The following COL28A1 variants were observed in gnomAD, a reference collection of about 807,000 sequenced individuals.
The protein encoded by COL28A1 is collagen type XXVIII alpha 1 chain, also known as collagen alpha-1(XXVIII) chain.
Under a neutral mutation model 150.2 loss-of-function variants are expected in COL28A1, and 161 were observed. The ratio of observed to expected loss-of-function variants is 1.07; its 90% CI spans 0.94 to 1.22. COL28A1 has a LOEUF of 1.22. Ranked by LOEUF, COL28A1 falls within the 50% of genes most tolerant of loss-of-function variation. COL28A1 has a pLI of 0.00. For synonymous variants in COL28A1, 552 were observed against 469.7 expected (o/e 1.18, Z -2.26); for missense variants, 1,617 against 1,388.3 (o/e 1.16, Z -2.62).
intron 15 of COL28A1, among the ~76,000 whole-genome samples, chr7:7,459,504 C>A (rs1787434573): frequency 6.6e-6 from 1 of 152,160 alleles, no homozygotes; most frequent in African/African-American, 2.4e-5. Flanking sequence ...ATATAATATA[C>A]AATATAATTA....
At chr7:7,435,481 G>A (rs1191036937) in intron 23 of COL28A1, among the ~76,000 whole-genome samples, 1 of 152,120 alleles carries the variant, frequency 6.6e-6, no homozygotes. Context: ...AAAGTCATGC[G>A]TTCCAGGAAC....
rs766032169 is a variant in COL28A1, at chr7:7,436,465, T to C, written c.1792-2A>G. On this transcript the variant is annotated splice_acceptor_variant, in intron 22 of 34. Coordinates refer to ENST00000399429, the MANE Select transcript of COL28A1 (RefSeq NM_001037763.3). LOFTEE classifies it high-confidence loss of function. ...TATCCCAGGTCCTCCTCTATCTCCC[T>C]GTACATTTCAAATAACATTTCACAG... 2 of 1,305,082 alleles carry C rather than the reference T, an allele frequency of 1.5e-6. No individual in the cohort carries two copies. Among genetic ancestry groups the C allele is most frequent in the Admixed American group, 1.7e-5 (1 of 59,604 alleles). 80.8% of individuals were successfully genotyped at this position (1,305,082 alleles called of 1,614,324 possible).
At chr7:7,513,783 G>C (rs1781276745) in intron 8 of COL28A1, among the ~76,000 whole-genome samples, 1 of 152,204 alleles carries the variant, frequency 6.6e-6, no homozygotes. Flanking sequence ...CTGAGGAACA[G>C]CATTTGTTTT....
intron 33 of COL28A1, among the ~76,000 whole-genome samples, chr7:7,369,053 A>G (rs1781084972): frequency 6.6e-6 from 1 of 152,228 alleles, no homozygotes; most frequent in Non-Finnish European, 1.5e-5. Context: ...GTATTAATAT[A>G]GCAAAAAATG....
chr7:7,429,210 C>T (rs1295551875), intron 25 of COL28A1, among the ~76,000 whole-genome samples: 3 of 152,126 alleles, frequency 2.0e-5, no homozygotes, highest in African/African-American at 7.2e-5. Flanking sequence ...GGCTCTACTA[C>T]CACACACACA....
intron 27 of COL28A1, among the ~76,000 whole-genome samples, chr7:7,388,888 G>A (rs1304764675): frequency 3.3e-5 from 5 of 152,054 alleles, no homozygotes; most frequent in Non-Finnish European, 7.4e-5. Context: ...TGTAGATTCT[G>A]GATATTAGCC....
At chr7:7,529,214 G>C (rs775099965) in intron 3 of COL28A1, among the ~76,000 whole-genome samples, 6 of 151,072 alleles carry the variant, frequency 4.0e-5, no homozygotes, top group Non-Finnish European at 8.8e-5. Flanking sequence ...GCTTGAACCC[G>C]GGAGGCAGAG....
rs534315505 is a variant in COL28A1, at chr7:7,419,910, C to G, written c.2042G>C (p.Arg681Pro). 3 of 1,601,880 alleles carry G rather than the reference C, an allele frequency of 1.9e-6. No homozygotes were observed. Among genetic ancestry groups the G allele is most frequent in the Non-Finnish European group, 2.6e-6 (3 of 1,174,588 alleles). ...VRGPPGPSGP[R>P]GVGTQGPKGD... ...CTTTGGCCCTTGGGTTCCTACGCCC[C>G]GAGGCCCAGAAGGACCTGGAGGGCC... The change falls in exon 26 of 35, where the codon CGG becomes CCG. Residue 681 changes from arginine (R) to proline (P), a missense_variant. Transcript: ENST00000399429.
chr7:7,487,167 T>C (rs1216433879), intron 13 of COL28A1, among the ~76,000 whole-genome samples: 1 of 151,944 alleles, frequency 6.6e-6, no homozygotes, highest in Non-Finnish European at 1.5e-5. Context: ...AAAAAAACAT[T>C]TTAAGAACGA....
At chr7:7,431,323 C>G (rs1416253906) in intron 25 of COL28A1, 1 of 314,320 alleles carries the variant, frequency 3.2e-6, no homozygotes, top group Non-Finnish European at 6.4e-6. Context: ...TAGGAGGGAA[C>G]AAAGCAAGAA....
Position 7,360,434 on chromosome 7 carries a change from G to A in COL28A1, c.3161C>T (p.Thr1054Ile). ...LPATTSSEAT[T>I]TPRPLLSTPV... ...GGTGCTGAGCAGTGGCCTGGGGGTGGTGGTGGCCTCAGATGAGGTAGTGGC... is the reference window on the plus strand; with the variant it reads ...GGTGCTGAGCAGTGGCCTGGGGGTGATGGTGGCCTCAGATGAGGTAGTGGC... Residue 1054 changes from threonine to isoleucine, a missense_variant, in exon 34 of 35, where the codon ACC (threonine) becomes ATC (isoleucine). Transcript: ENST00000399429. The A allele has an allele frequency of 1.2e-6, 2 of 1,608,414 alleles. No individual in the cohort carries two copies. The highest frequency in any genetic ancestry group is 1.7e-6 in the Non-Finnish European group (2 of 1,178,362).
intron 30 of COL28A1, among the ~76,000 whole-genome samples, chr7:7,377,774 G>C (rs117951669): frequency 9.9e-4 from 148 of 148,818 alleles, no homozygotes; most frequent in Non-Finnish European, 1.7e-3. Context: ...ATAGCAGCCA[G>C]TGGAGGGGTT....
At position 7,477,765 on chromosome 7, in the gene COL28A1, G is replaced by A. The variant is rs569241984; in HGVS notation, c.1165-585C>T. ...AACAGCAAAAGAACAAAGCTTCCAC[G>A]GTATGGAAACGGACCCCAGCAGGTT... On this transcript the variant is annotated intron_variant, in intron 13 of 34. Transcript: ENST00000399429. Among the ~76,000 whole-genome samples the A allele has an allele frequency of 1.5e-4, 23 of 152,236 alleles. No individual in the cohort carries two copies. In the South Asian group the frequency reaches 1.9e-3, roughly 12 times the overall value.
rs367945767 is a variant in COL28A1 at position 7,444,483 on chromosome 7, G to C, written c.1516C>G (p.Pro506Ala). ...GIGVQGPKGE[P>A]GSIGLPGQPG... Reference sequence around the variant, plus strand: ...TGTCCTGGGAGCCCTATTGAGCCTGGCTCTCCCTGGTGAATGAACAAATAT... The same window carrying C: ...TGTCCTGGGAGCCCTATTGAGCCTGCCTCTCCCTGGTGAATGAACAAATAT... The change falls in exon 19 of 35, where the codon CCA becomes GCA. Residue 506 changes from proline (P) to alanine (A), a missense_variant. By Grantham distance (27) the Pro-to-Ala change is conservative. Transcript: ENST00000399429. 3.1e-6 allele frequency: 5 copies of C among 1,613,452 alleles called. No homozygotes were observed. In the African/African-American group the frequency reaches 5.3e-5, roughly 17 times the overall value.
intron 18 of COL28A1, among the ~76,000 whole-genome samples, chr7:7,444,851 C>T (rs889606413): frequency 6.6e-6 from 1 of 152,086 alleles, no homozygotes; most frequent in Admixed American, 6.6e-5. Context: ...GTGTCCCCAC[C>T]CAAATCTTAT....
chr7:7,351,641 A>G (rs1448685771), downstream of COL28A1, among the ~76,000 whole-genome samples: 1 of 152,186 alleles, frequency 6.6e-6, no homozygotes, highest in Middle Eastern at 3.2e-3. Context: ...GAATTAGTTC[A>G]TTTAAATGAA....
At chr7:7,505,832 G>A (rs981699755) in intron 11 of COL28A1, among the ~76,000 whole-genome samples, 182 bp downstream of exon 11, 1 of 152,148 alleles carries the variant, frequency 6.6e-6, no homozygotes, top group African/African-American at 2.4e-5. Flanking sequence ...AATGATAAAG[G>A]TATGCTGCTA....
At chr7:7,352,217 TTTAA>T (rs1780245222), downstream of COL28A1, among the ~76,000 whole-genome samples, 2 of 152,288 alleles carry the variant, frequency 1.3e-5, no homozygotes, top group South Asian at 4.1e-4. Flanking sequence ...GAGTTCAATT[TTTAA>T]TTTATTGAGT....
chr7:7,366,041 C>T (rs1562471427), intron 33 of COL28A1, among the ~76,000 whole-genome samples: 2 of 152,172 alleles, frequency 1.3e-5, no homozygotes, highest in Non-Finnish European at 2.9e-5. Context: ...TCTGTTTAAA[C>T]CTCTCATACA....
Sources: gnomAD v4.1 joint callset for allele counts (sites outside exome capture counted in the v4.1 genomes callset) on GRCh38, gnomAD v4.1.1 for gene constraint, MANE v1.5 for transcripts, NCBI Gene and HGNC (gene_info 2026-07-23, HGNC 2026-07-21) for gene names.